CEACAM19: variants seen among roughly 807,000 people sequenced by gnomAD.
CEACAM19 encodes the protein cell adhesion molecule CEACAM19.
CEACAM19 carries 37 observed loss-of-function variants against 37.6 expected under a neutral mutation model. The observed-to-expected ratio is 0.98, with a 90% CI of 0.76 to 1.29. The LOEUF (loss-of-function observed/expected upper bound fraction) is 1.29, where lower values mean the gene tolerates loss of function less well. Among genes scored for constraint, CEACAM19 ranks in the 50% most tolerant of loss-of-function variants. The probability of loss-of-function intolerance (pLI) is 0.00; values close to 1 mark genes in which losing one functional copy is unlikely to be tolerated. For synonymous variants in CEACAM19, 140 were observed against 149.8 expected (o/e 0.93, Z 0.48); for missense variants, 340 against 375.6 (o/e 0.91, Z 0.78).
chr19:44,679,010 A>G (rs952262244), intron 4 of CEACAM19, 74 bp downstream of exon 4: 2 of 1,583,324 alleles, frequency 1.3e-6, no homozygotes. Flanking sequence ...TTTTGTTTTC[A>G]GAGTCAAAGT....
upstream of CEACAM19, among the ~76,000 whole-genome samples, chr19:44,668,599 ATAT>A (rs1489422982): frequency 9.2e-3 from 344 of 37,362 alleles, 5 homozygotes; most frequent in South Asian, 0.01. Flanking sequence ...TTATATACAC[ATAT>A]TATATATGTA....
chr19:44,672,470 A>G, intron 1 of CEACAM19, 126 bp from the exon 2 acceptor site: 2 of 1,056,290 alleles, frequency 1.9e-6, no homozygotes, highest in African/African-American at 1.6e-5. Flanking sequence ...AATCAATCCC[A>G]GCATTGTTTC....
chr19:44,668,480 A>ATAT (rs1259285619), upstream of CEACAM19, among the ~76,000 whole-genome samples: 39 of 57,184 alleles, frequency 6.8e-4, 2 homozygotes, highest in African/African-American at 3.6e-3. Context: ...AATATAATAT[A>ATAT]TATATTATAT....
chr19:44,672,920 A>G lies in CEACAM19; in HGVS notation c.380A>G (p.Asn127Ser). 1.3e-6 allele frequency: 2 copies of G among 1,534,336 alleles called. No individual in the cohort carries two copies. Among genetic ancestry groups the G allele is most frequent in the Middle Eastern group, 3.5e-4 (2 of 5,734 alleles). The part of the protein sequence containing the change: ...SGTYQVAITI[N>S]SEWTMKAKTE... Reference sequence around the variant, plus strand: ...ACCTACCAAGTAGCCATTACCATCAACTCTGAATGGACTATGAAGGCCAAG... The same window carrying G: ...ACCTACCAAGTAGCCATTACCATCAGCTCTGAATGGACTATGAAGGCCAAG... Residue 127 changes from asparagine (N) to serine (S), a missense_variant, in exon 2 of 8, where the codon AAC (asparagine) becomes AGC (serine). Transcript: ENST00000358777.
chr19:44,668,531 AAT>A (rs1487353154), upstream of CEACAM19, among the ~76,000 whole-genome samples: 3 of 39,708 alleles, frequency 7.6e-5, no homozygotes, highest in South Asian at 1.7e-3. Flanking sequence ...ATAAATATAT[AAT>A]ATATGTATAT....
At chr19:44,678,788 T>G in intron 3 of CEACAM19, 65 bp from the exon 4 acceptor site, 2 of 1,583,300 alleles carry the variant, frequency 1.3e-6, no homozygotes, top group Non-Finnish European at 1.7e-6. Context: ...GGGAAGGATG[T>G]TGCTCTCTGA....
chr19:44,678,906 C>T lies in CEACAM19; in HGVS notation c.629C>T (p.Ser210Phe). The change falls in exon 4 of 8, where the codon TCC (serine) becomes TTC (phenylalanine). Residue 210 changes from serine to phenylalanine, a missense_variant. Coordinates refer to ENST00000358777, the MANE Select transcript of CEACAM19 (RefSeq NM_001127893.3). ...CTGTCCATCTTGTGCTCGGCTGTAT[C>T]CCCAGTGCCTTCAGTGACGCCCAGC... ...GSLSILCSAVSPVPSVTPSTW... is the reference protein window; with the variant it reads ...GSLSILCSAVFPVPSVTPSTW... 6.2e-7 allele frequency: 1 copy of T among 1,614,034 alleles called. No individual in the cohort carries two copies.
At chr19:44,668,764 AT>A (rs1406877980), upstream of CEACAM19, among the ~76,000 whole-genome samples, 2 of 114,110 alleles carry the variant, frequency 1.8e-5, no homozygotes, top group African/African-American at 7.1e-5. Flanking sequence ...TATAATATAT[AT>A]AATATAATAT....
At chr19:44,672,493 C>T (rs927620921) in intron 1 of CEACAM19, 103 bp from the exon 2 acceptor site, 3 of 1,248,656 alleles carry the variant, frequency 2.4e-6, no homozygotes, top group South Asian at 2.2e-5. Context: ...ATGAGCAGCA[C>T]TCAGAGTCCT....
At chr19:44,667,831 T>A (rs865982419), upstream of CEACAM19, among the ~76,000 whole-genome samples, 19 of 71,560 alleles carry the variant, frequency 2.7e-4, no homozygotes, top group South Asian at 8.3e-4. Context: ...AAATTATATA[T>A]TTTATATATA....
At chr19:44,679,741 T>G (rs905018124) in intron 4 of CEACAM19, among the ~76,000 whole-genome samples, 5 of 149,988 alleles carry the variant, frequency 3.3e-5, no homozygotes, top group African/African-American at 1.2e-4. Flanking sequence ...AGAGCGAGAC[T>G]CTGTCTCAAA....
chr19:44,668,756 TAATATATATA>T (rs1973809585), upstream of CEACAM19, among the ~76,000 whole-genome samples: 1 of 94,220 alleles, frequency 1.1e-5, no homozygotes, highest in Non-Finnish European at 1.8e-5. Context: ...TAATATAATA[TAATATATATA>T]ATATAATATA....
upstream of CEACAM19, among the ~76,000 whole-genome samples, chr19:44,668,851 G>A (rs1199081406): frequency 1.6e-4 from 17 of 104,834 alleles, no homozygotes; most frequent in African/African-American, 5.8e-4. Flanking sequence ...ATGGAGTCTT[G>A]CTCTGTTGCC....
chr19:44,680,530 T>C (rs1003570834), intron 5 of CEACAM19, among the ~76,000 whole-genome samples, 196 bp downstream of exon 5: 1 of 151,660 alleles, frequency 6.6e-6, no homozygotes, highest in Non-Finnish European at 1.5e-5. Context: ...GCTTTTTCTC[T>C]TCTTCTCAGT....
At chr19:44,676,489 C>A in intron 3 of CEACAM19, 68 bp downstream of exon 3, 1 of 1,480,064 alleles carries the variant, frequency 6.8e-7, no homozygotes, top group South Asian at 1.1e-5. Context: ...TGGATTCTTC[C>A]ACAAGTCACA....
At chr19:44,674,658 C>T (rs566546980) in intron 2 of CEACAM19, among the ~76,000 whole-genome samples, 8 of 152,180 alleles carry the variant, frequency 5.3e-5, no homozygotes, top group Non-Finnish European at 1.0e-4. Context: ...CCACCTCGGC[C>T]TCCCAAAGTG....
chr19:44,683,536 C>T lies in CEACAM19; in HGVS notation c.*46C>T, dbSNP rs1464843190. On this transcript the variant is annotated 3_prime_UTR_variant, in exon 8 of 8. Coordinates refer to ENST00000358777, the MANE Select transcript of CEACAM19 (RefSeq NM_001127893.3). Reference sequence around the variant, plus strand: ...CCAGGGAGAAGACAAGGCCCCAGCCCTCCTCTGGGAGCCTCACACCTGAGA... The same window carrying T: ...CCAGGGAGAAGACAAGGCCCCAGCCTTCCTCTGGGAGCCTCACACCTGAGA... 7.7e-7 allele frequency: 1 copy of T among 1,294,116 alleles called. No individual in the cohort carries two copies. Among genetic ancestry groups the T allele is most frequent in the Admixed American group, 2.5e-5 (1 of 39,658 alleles). The allele number at this position is 1,294,116 out of a possible 1,614,324, so 80.2% of individuals were successfully genotyped here.
upstream of CEACAM19, among the ~76,000 whole-genome samples, chr19:44,668,865 G>A (rs1973813244): frequency 8.1e-6 from 1 of 123,476 alleles, no homozygotes; most frequent in South Asian, 2.6e-4. Context: ...TGTTGCCCAG[G>A]CCGGAGTGCA....
upstream of CEACAM19, among the ~76,000 whole-genome samples, chr19:44,669,794 G>A (rs1277223163): frequency 6.6e-6 from 1 of 152,106 alleles, no homozygotes; most frequent in Non-Finnish European, 1.5e-5. Context: ...TGAATGAGGT[G>A]TGTCTCCTTG....
Sources: gnomAD v4.1 joint callset for allele counts (sites outside exome capture counted in the v4.1 genomes callset) on GRCh38, gnomAD v4.1.1 for gene constraint, MANE v1.5 for transcripts, NCBI Gene and HGNC (gene_info 2026-07-23, HGNC 2026-07-21) for gene names.